TOM1L1: variants seen among roughly 807,000 people sequenced by gnomAD.
TOM1L1 encodes the protein target of myb1 like 1 membrane trafficking protein.
In TOM1L1, 64 loss-of-function variants were observed where a neutral mutation model predicts 63.4. The ratio of observed to expected loss-of-function variants is 1.01; its 90% confidence interval spans 0.83 to 1.24. The LOEUF (loss-of-function observed/expected upper bound fraction) is 1.24, where lower values mean the gene tolerates loss of function less well. Ranked by LOEUF, TOM1L1 falls within the 50% of genes most tolerant of loss-of-function variation. The pLI is 0.00. For synonymous variants in TOM1L1, 166 were observed against 194.4 expected (o/e 0.85, Z 1.22); for missense variants, 536 against 567.0 (o/e 0.95, Z 0.55).
intron 7 of TOM1L1, chr17:54,917,265 T>C (rs1248552886): frequency 1.3e-5 from 2 of 152,142 alleles, no homozygotes. Context: ...TCTCTTCTTA[T>C]GGAACTTTAA....
At chr17:54,939,082 A>G in intron 11 of TOM1L1, 62 bp downstream of exon 11, 1 of 1,171,956 alleles carries the variant, frequency 8.5e-7, no homozygotes, top group Non-Finnish European at 1.2e-6. Context: ...TACAATTAAG[A>G]AAACCTGATG....
intron 8 of TOM1L1, among the ~76,000 whole-genome samples, chr17:54,934,957 A>G (rs1161692480): frequency 1.3e-5 from 2 of 152,136 alleles, no homozygotes; most frequent in Non-Finnish European, 2.9e-5. Flanking sequence ...ACCTCAAGTA[A>G]TCCACCTGTC....
At chr17:54,947,397 T>A in intron 12 of TOM1L1, 85 bp downstream of exon 12, 1 of 1,457,290 alleles carries the variant, frequency 6.9e-7, no homozygotes, top group South Asian at 1.1e-5. Flanking sequence ...TTAATTCCCA[T>A]GTTCTGCTCA....
intron 11 of TOM1L1, among the ~76,000 whole-genome samples, chr17:54,939,487 C>G (rs1016326004): frequency 6.6e-6 from 1 of 152,142 alleles, no homozygotes; most frequent in African/African-American, 2.4e-5. Context: ...CCATCAGTTA[C>G]AGGGTACTTG....
chr17:54,916,667 A>AT (rs1471317083), intron 7 of TOM1L1: 1 of 152,016 alleles, frequency 6.6e-6, no homozygotes, highest in Non-Finnish European at 1.5e-5. Context: ...CTCTCATGTT[A>AT]TTTTTCCTTT....
intron 8 of TOM1L1, among the ~76,000 whole-genome samples, chr17:54,935,041 A>G (rs1379877561): frequency 1.3e-5 from 2 of 152,256 alleles, no homozygotes; most frequent in South Asian, 2.1e-4. Flanking sequence ...TTTAAAACAC[A>G]TATTTTTGAA....
chr17:54,907,813 G>A (rs554343408), intron 3 of TOM1L1, among the ~76,000 whole-genome samples: 2 of 152,212 alleles, frequency 1.3e-5, no homozygotes, highest in African/African-American at 4.8e-5. Context: ...TTTCAGCATG[G>A]GGTATTATTA....
intron 14 of TOM1L1, chr17:54,958,557 C>G (rs542289780): frequency 6.6e-6 from 1 of 152,184 alleles, no homozygotes; most frequent in South Asian, 2.1e-4. Context: ...ATGGCAAAAC[C>G]CTGTCTCTAC....
chr17:54,956,850 G>A (rs1263059827), intron 14 of TOM1L1: 1 of 152,228 alleles, frequency 6.6e-6, no homozygotes, highest in African/African-American at 2.4e-5. Context: ...GGGTGATAGA[G>A]AGGGAAGAGG....
At chr17:54,914,557 T>G in intron 5 of TOM1L1, 82 bp from the exon 6 acceptor site, 234 of 1,083,614 alleles carry the variant, frequency 2.2e-4, no homozygotes, top group Non-Finnish European at 2.7e-4. Context: ...TGAGAGTGCT[T>G]GAGTTAGCTG....
At chr17:54,959,117 T>A (rs990563628) in intron 14 of TOM1L1, 4 of 152,114 alleles carry the variant, frequency 2.6e-5, no homozygotes, top group Non-Finnish European at 5.9e-5. Flanking sequence ...ACTGAAATCG[T>A]TTTGAGGGAG....
In TOM1L1 at chr17:54,936,662, C is replaced by G. The variant is rs1469369978; in HGVS notation, c.868C>G (p.Gln290Glu). ...ILGYERFTRN[Q>E]QRILEQNKNQ... ...TCATTTAAACAGGTTTACTAGAAAC[C>G]AACAAAGGATTTTGGAGCAAAATAA... Residue 290 changes from glutamine to glutamate, a missense_variant, in exon 9 of 16, where the codon CAA becomes GAA. Transcript: ENST00000575882. 7 of 1,603,846 alleles carry G rather than the reference C, an allele frequency of 4.4e-6. No homozygotes were observed.
chr17:54,914,893 C>G, intron 6 of TOM1L1, 150 bp downstream of exon 6: 1 of 682,868 alleles, frequency 1.5e-6, no homozygotes, highest in Non-Finnish European at 2.6e-6. Context: ...TACTATGTGA[C>G]TTACCATAGT....
rs2048536493 is a variant in TOM1L1, at chr17:54,913,751, T to C, written c.376T>C (p.Trp126Arg). The C allele has an allele frequency of 1.9e-6, 3 of 1,608,572 alleles. No homozygotes were observed. The highest frequency in any genetic ancestry group is 2.5e-6 in the Non-Finnish European group (3 of 1,176,960). ...TTTTTTCATCTCTTGAATTCAGACT[T>C]GGTCACAGGGCTTCCCAGGAGGTGT... ...QNRILNFIKT[W>R]SQGFPGGVDV... is the part of the protein sequence containing the mutation. Residue 126 changes from tryptophan to arginine, a missense_variant, in exon 5 of 16, where the codon TGG (tryptophan) becomes CGG (arginine). By Grantham distance (101) the Trp-to-Arg change is moderately radical. Transcript: ENST00000575882.
At chr17:54,945,769 G>GT (rs201104934) in intron 11 of TOM1L1, among the ~76,000 whole-genome samples, 21 of 149,406 alleles carry the variant, frequency 1.4e-4, no homozygotes, top group East Asian at 3.9e-4. Context: ...TATTTTTCAG[G>GT]TTTTTTTTTC....
In TOM1L1 at chr17:54,901,138, A is replaced by C. The variant is rs112357178; in HGVS notation, c.58+215A>C. ...CACTGTAGAACCTCAGTCCTCAAAA[A>C]TGTACCTTCCTTTCGATGCCGCCTG... On this transcript the variant is annotated intron_variant, in intron 1 of 15. Coordinates refer to ENST00000575882, the MANE Select transcript of TOM1L1 (RefSeq NM_005486.3). 750 of 638,182 alleles carry C rather than the reference A, an allele frequency of 1.2e-3. 7 individuals carry two copies. The African/African-American group carries it at 0.012, about 10-fold the overall frequency. 39.5% of individuals were successfully genotyped at this position (638,182 alleles called of 1,614,324 possible).
intron 4 of TOM1L1, among the ~76,000 whole-genome samples, chr17:54,913,159 T>G (rs1333956181): frequency 6.6e-6 from 1 of 152,236 alleles, no homozygotes; most frequent in Non-Finnish European, 1.5e-5. Flanking sequence ...TTTTAGAATC[T>G]ATTAATTTTG....
At chr17:54,948,662 T>G (rs905558794) in intron 12 of TOM1L1, among the ~76,000 whole-genome samples, 15 of 152,330 alleles carry the variant, frequency 9.8e-5, no homozygotes, top group African/African-American at 3.1e-4. Flanking sequence ...CTGTTCACAT[T>G]TGTTGATTGT....
chr17:54,925,922 A>AACAACAAC (rs55864025), intron 7 of TOM1L1, among the ~76,000 whole-genome samples: 5 of 132,170 alleles, frequency 3.8e-5, no homozygotes, highest in African/African-American at 1.5e-4. Flanking sequence ...ACAACAACAA[A>AACAACAAC]AAAAAAAGCA....
Sources: allele counts gnomAD v4.1 joint callset (sites outside exome capture counted in the v4.1 genomes callset), GRCh38; gene constraint gnomAD v4.1.1; transcripts MANE v1.5; gene names NCBI Gene and HGNC (gene_info 2026-07-23, HGNC 2026-07-21).